Variants in MAP3K1 observed in about 807,000 individuals in gnomAD.
MAP3K1 encodes the protein mitogen-activated protein kinase kinase kinase 1.
A neutral mutation model predicts 144.2 loss-of-function variants in MAP3K1; 36 were observed. The observed-to-expected ratio is 0.25, with a 90% CI of 0.19 to 0.33. The LOEUF is 0.33. Ranked by LOEUF, MAP3K1 falls within the 10% of genes least tolerant of loss-of-function variation. The probability of loss-of-function intolerance (pLI) is 1.00; values close to 1 mark genes in which losing one functional copy is unlikely to be tolerated. For synonymous variants in MAP3K1, 718 were observed against 688.7 expected (o/e 1.04, Z -0.67); for missense variants, 1,650 against 1,881.9 (o/e 0.88, Z 2.28).
At position 56,894,445 on chromosome 5, in the gene MAP3K1, CTT is replaced by C. The variant is rs749913380; in HGVS notation, c.*766_*767del. On this transcript the variant is annotated 3_prime_UTR_variant, in exon 20 of 20. Transcript: ENST00000399503. ...ATTGTCAGAGTTTTTAAAATATAGA[CTT>C]AATTTTGTTTTTTTAAATTGGAATA... The C allele has an allele frequency of 1.8e-4, 41 of 231,532 alleles. No homozygotes were observed. Among genetic ancestry groups the C allele is most frequent in the South Asian group, 9.1e-4 (5 of 5,498 alleles). The allele number at this position is 231,532 out of a possible 1,614,324, so 14.3% of individuals were successfully genotyped here.
chr5:56,865,039 G>GT, intron 4 of MAP3K1, 105 bp downstream of exon 4: 2 of 1,083,338 alleles, frequency 1.8e-6, no homozygotes, highest in South Asian at 2.8e-5. Flanking sequence ...ATTCCCTATA[G>GT]TAAACAAAGT....
At chr5:56,840,783 C>T (rs1023016733) in intron 1 of MAP3K1, among the ~76,000 whole-genome samples, 1 of 152,084 alleles carries the variant, frequency 6.6e-6, no homozygotes, top group Non-Finnish European at 1.5e-5. Context: ...GGTCTGAGAG[C>T]CGCCATGTTT....
Position 56,815,770 on chromosome 5 carries a change from G to A in MAP3K1, c.197G>A (p.Arg66Gln), listed in dbSNP as rs886480221. 2.4e-5 allele frequency: 34 copies of A among 1,403,572 alleles called. No homozygotes were observed. Among genetic ancestry groups the A allele is most frequent in the East Asian group, 3.1e-5 (1 of 31,754 alleles). The allele number at this position is 1,403,572 out of a possible 1,614,324, so 86.9% of individuals were successfully genotyped here. A position where few individuals can be genotyped will look rare whatever the true frequency, so the allele number is the denominator to read the frequency against. ...DWRRRQLRKV[R>Q]SVELDQLPEQ... ...CGGCGGCGGCAGCTGCGCAAAGTGC[G>A]GAGTGTGGAGCTGGACCAGCTGCCT... is the stretch of plus-strand genomic sequence containing the variant. Residue 66 changes from arginine to glutamine, a missense_variant, in exon 1 of 20, where the codon CGG becomes CAG. Arg to Gln is a conservative substitution (Grantham distance 43). This residue lies in a region of MAP3K1 where 360 missense variants were observed against 274.7 expected (regional missense o/e 1.31). Transcript: ENST00000399503.
intron 3 of MAP3K1, among the ~76,000 whole-genome samples, chr5:56,863,399 CT>C (rs1187863842): frequency 6.6e-6 from 1 of 152,166 alleles, no homozygotes; most frequent in East Asian, 1.9e-4. Context: ...AATGGGATCA[CT>C]TAATAGGTGA....
chr5:56,820,972 T>C (rs1232234343), intron 1 of MAP3K1, among the ~76,000 whole-genome samples: 1 of 152,246 alleles, frequency 6.6e-6, no homozygotes, highest in Non-Finnish European at 1.5e-5. Flanking sequence ...TGTTTTTTTT[T>C]CTTCCAAGGG....
chr5:56,871,677 GT>G (rs1293951553), intron 6 of MAP3K1, among the ~76,000 whole-genome samples: 6 of 152,108 alleles, frequency 3.9e-5, no homozygotes, highest in Non-Finnish European at 8.8e-5. Context: ...GTATTGAATT[GT>G]TTTCATAGCA....
At position 56,880,730 on chromosome 5, in the gene MAP3K1, A is replaced by G. The variant is rs779531642; in HGVS notation, c.2107A>G (p.Ile703Val). Residue 703 changes from isoleucine (I) to valine (V), a missense_variant, in exon 12 of 20, where the codon ATA (isoleucine) becomes GTA (valine). Ile to Val is a conservative substitution (Grantham distance 29). Transcript: ENST00000399503. ...TTTTAGCCGCACAAGTCAGCTGTCCATATCAACACTGTTGGAACTGTGCAA... is the reference window on the plus strand; with the variant it reads ...TTTTAGCCGCACAAGTCAGCTGTCCGTATCAACACTGTTGGAACTGTGCAA... ...DANSRTSQLS[I>V]STLLELCKGQ... is the part of the protein sequence containing the mutation. The G allele has an allele frequency of 5.0e-6, 8 of 1,613,538 alleles. No homozygotes were observed. The highest frequency in any genetic ancestry group is 4.2e-6 in the Non-Finnish European group (5 of 1,179,700).
chr5:56,866,119 A>G, intron 6 of MAP3K1, 142 bp downstream of exon 6: 3 of 828,422 alleles, frequency 3.6e-6, no homozygotes, highest in South Asian at 1.6e-5. Context: ...AAGGGTGAAG[A>G]TACTAAAAGT....
At chr5:56,878,631 A>G (rs966829371) in intron 10 of MAP3K1, among the ~76,000 whole-genome samples, 15 of 152,080 alleles carry the variant, frequency 9.9e-5, no homozygotes, top group African/African-American at 3.4e-4. Context: ...TACTACCATC[A>G]TTTGTTTTGT....
chr5:56,815,606 G>C lies in MAP3K1; in HGVS notation c.33G>C (p.Ser11=), dbSNP rs1745920122. 1 of 1,311,612 alleles carries C rather than the reference G, an allele frequency of 7.6e-7. No individual in the cohort carries two copies. The highest frequency in any genetic ancestry group is 9.7e-7 in the Non-Finnish European group (1 of 1,031,110). 81.2% of individuals were successfully genotyped at this position (1,311,612 alleles called of 1,614,324 possible). A position where few individuals can be genotyped will look rare whatever the true frequency, so the allele number is the denominator to read the frequency against. MAAAAGNRAS[S]SGFPGARATS... ...CGGCGGCGGGGAATCGCGCCTCGTC[G>C]TCGGGATTCCCGGGCGCCAGGGCTA... The change falls in exon 1 of 20, where the codon TCG becomes TCC. Residue 11 remains serine (S), a synonymous_variant. Transcript: ENST00000399503.
rs2111978434 is a variant in MAP3K1 at position 56,895,034 on chromosome 5, T to A, written c.*1354T>A. 1 of 231,746 alleles carries A rather than the reference T, an allele frequency of 4.3e-6. No individual in the cohort carries two copies. Among genetic ancestry groups the A allele is most frequent in the East Asian group, 6.1e-5 (1 of 16,316 alleles). The allele number at this position is 231,746 out of a possible 1,614,324, so 14.4% of individuals were successfully genotyped here. ...GTACTGATTAACTATTAAGTACAAC[T>A]TTGAGATTTTAGTTTTAACTCTTCA... On this transcript the variant is annotated 3_prime_UTR_variant, in exon 20 of 20. Coordinates refer to ENST00000399503, the MANE Select transcript of MAP3K1 (RefSeq NM_005921.2).
At position 56,815,584 on chromosome 5, in the gene MAP3K1, C is replaced by G. The variant is rs1009619802; in HGVS notation, c.11C>G (p.Ala4Gly). Residue 4 changes from alanine (A) to glycine (G), a missense_variant, in exon 1 of 20, where the codon GCG becomes GGG. Physicochemically the swap from Ala to Gly is moderately conservative, Grantham distance 60. Around this residue, in one of 6 missense-constraint regions of MAP3K1, gnomAD observed 360 missense variants for 274.7 expected, o/e 1.31. Coordinates refer to ENST00000399503, the MANE Select transcript of MAP3K1 (RefSeq NM_005921.2). Reference sequence around the variant, plus strand: ...AGCCCGCGAGAGAAAATGGCGGCGGCGGCGGGGAATCGCGCCTCGTCGTCG... The same window carrying G: ...AGCCCGCGAGAGAAAATGGCGGCGGGGGCGGGGAATCGCGCCTCGTCGTCG... MAA[A>G]AGNRASSSGF... The G allele has an allele frequency of 7.7e-7, 1 of 1,298,246 alleles. No individual in the cohort carries two copies. The highest frequency in any genetic ancestry group is 9.7e-7 in the Non-Finnish European group (1 of 1,026,360). The allele number at this position is 1,298,246 out of a possible 1,614,324, so 80.4% of individuals were successfully genotyped here.
chr5:56,854,801 A>G (rs926438355), intron 1 of MAP3K1, among the ~76,000 whole-genome samples: 1 of 152,224 alleles, frequency 6.6e-6, no homozygotes, highest in African/African-American at 2.4e-5. Flanking sequence ...ACCAGAGGAA[A>G]GACTATCAAG....
chr5:56,834,496 G>A (rs1173604541), intron 1 of MAP3K1, among the ~76,000 whole-genome samples: 2 of 152,124 alleles, frequency 1.3e-5, no homozygotes, highest in African/African-American at 4.8e-5. Context: ...GGTGGATCAT[G>A]AGGTCAGGAG....
At chr5:56,837,564 G>T (rs912872956) in intron 1 of MAP3K1, among the ~76,000 whole-genome samples, 1 of 152,170 alleles carries the variant, frequency 6.6e-6, no homozygotes, top group African/African-American at 2.4e-5. Flanking sequence ...ATATTGGAAA[G>T]GCATTGCTTC....
intron 1 of MAP3K1, among the ~76,000 whole-genome samples, chr5:56,849,634 A>G (rs549938302): frequency 3.3e-5 from 5 of 152,316 alleles, no homozygotes; most frequent in Non-Finnish European, 5.9e-5. Flanking sequence ...TCGCCCTTCC[A>G]ATGGTTTATT....
At chr5:56,874,050 A>G (rs1747940906) in intron 9 of MAP3K1, among the ~76,000 whole-genome samples, 1 of 152,230 alleles carries the variant, frequency 6.6e-6, no homozygotes, top group Non-Finnish European at 1.5e-5. Context: ...ACTAGGCTCT[A>G]CATTCCTAGC....
At chr5:56,884,617 G>A in intron 15 of MAP3K1, 47 bp from the exon 16 acceptor site, 1 of 1,575,552 alleles carries the variant, frequency 6.3e-7, no homozygotes, top group Admixed American at 1.7e-5. Context: ...AGATCAGATT[G>A]CTAGTGAAAA....
At chr5:56,816,520 C>T (rs1279412790) in intron 1 of MAP3K1, among the ~76,000 whole-genome samples, 1 of 151,972 alleles carries the variant, frequency 6.6e-6, no homozygotes, top group African/African-American at 2.4e-5. Context: ...GGTGAGAAGC[C>T]CGAGGTCGGG....
Sources: allele counts gnomAD v4.1 joint callset (sites outside exome capture counted in the v4.1 genomes callset), GRCh38; gene constraint gnomAD v4.1.1; regional missense constraint gnomAD v4.1.1; transcripts MANE v1.5; gene names NCBI Gene and HGNC (gene_info 2026-07-23, HGNC 2026-07-21).